Variants in MYO5A observed in about 807,000 individuals in gnomAD.
The protein encoded by MYO5A is unconventional myosin-Va.
A neutral mutation model predicts 249.7 loss-of-function variants in MYO5A; 98 were observed. The ratio of observed to expected loss-of-function variants is 0.39; its 90% CI spans 0.33 to 0.46. The LOEUF is 0.46. MYO5A is among the 20% of genes least tolerant of loss of function. The pLI, the probability that MYO5A is intolerant of heterozygous loss-of-function variation, is 0.98. For synonymous variants in MYO5A, 778 were observed against 810.6 expected, an observed-to-expected ratio of 0.96 and a Z score of 0.68; for missense variants, 1,696 against 2,308.8, an observed-to-expected ratio of 0.73 and a Z score of 5.44.
chr15:52,463,101 G>A (rs2076285576), intron 1 of MYO5A, among the ~76,000 whole-genome samples: 1 of 152,128 alleles, frequency 6.6e-6, no homozygotes, highest in Admixed American at 6.6e-5. Flanking sequence ...AAAATCTCAT[G>A]AACTAAAGGA....
chr15:52,505,840 G>A (rs982496842), intron 1 of MYO5A: 3 of 1,587,750 alleles, frequency 1.9e-6, no homozygotes, highest in African/African-American at 2.7e-5. Flanking sequence ...GCCCATGGAT[G>A]TGGCTGCTTT....
chr15:52,460,813 A>T (rs2076234220), intron 1 of MYO5A, among the ~76,000 whole-genome samples: 1 of 152,186 alleles, frequency 6.6e-6, no homozygotes, highest in African/African-American at 2.4e-5. Flanking sequence ...ACCAACAATA[A>T]AAAAAATCGA....
At position 52,384,341 on chromosome 15, in the gene MYO5A, AAAG is replaced by A; in HGVS notation, c.1753-22_1753-20del. 6.2e-7 allele frequency: 1 copy of A among 1,613,180 alleles called. No individual in the cohort carries two copies. Among genetic ancestry groups the A allele is most frequent in the Non-Finnish European group, 8.5e-7 (1 of 1,179,136 alleles). On this transcript the variant is annotated intron_variant, in intron 14 of 41. Transcript: ENST00000399233. ...TCTTAAACTAAGTCAGAAACAATAT[AAAG>A]AAATTACATTCTAAACCAAACTTGA...
At chr15:52,384,453 T>C (rs2041891171) in intron 14 of MYO5A, 131 bp from the exon 15 acceptor site, 1 of 939,290 alleles carries the variant, frequency 1.1e-6, no homozygotes, top group East Asian at 2.6e-5. Flanking sequence ...AAAGAGTCAG[T>C]ATCTGTGCTA....
rs1302354241 is a variant in MYO5A, at chr15:52,340,389, A to T, written c.4046T>A (p.Leu1349Gln). 1 of 1,612,242 alleles carries T rather than the reference A, an allele frequency of 6.2e-7. No individual in the cohort carries two copies. Among genetic ancestry groups the T allele is most frequent in the African/African-American group, 1.3e-5 (1 of 75,036 alleles). ...YEGLKQANRL[L>Q]ESQLQSQKRS... is the part of the protein sequence containing the mutation. ...CTTCTGTGACTGCAGCTGGGATTCC[A>T]GGAGCCTGCGGAGAGGACACATGGG... Residue 1349 changes from leucine to glutamine, a missense_variant, in exon 32 of 42, where the codon CTG becomes CAG. Physicochemically the swap from Leu to Gln is moderately radical, Grantham distance 113 (BLOSUM62 -2). This residue lies in a region of MYO5A where 625 missense variants were observed against 908.1 expected (regional missense o/e 0.69). Transcript: ENST00000399233.
chr15:52,405,243 A>C, intron 9 of MYO5A, 44 bp downstream of exon 9: 2 of 1,377,522 alleles, frequency 1.5e-6, no homozygotes, highest in Non-Finnish European at 2.1e-6. Context: ...CAAATCTAAA[A>C]CATAATTCAA....
chr15:52,507,705 G>A (rs985544768), intron 1 of MYO5A, among the ~76,000 whole-genome samples: 3 of 150,338 alleles, frequency 2.0e-5, no homozygotes, highest in South Asian at 2.1e-4. Flanking sequence ...AGTCCCAGCC[G>A]AAGTGGGAGG....
At chr15:52,323,233 C>T in intron 37 of MYO5A, 122 bp downstream of exon 37, 1 of 789,648 alleles carries the variant, frequency 1.3e-6, no homozygotes, top group Non-Finnish European at 2.1e-6. Flanking sequence ...GCAAGAACTT[C>T]CAAGCCACCT....
intron 1 of MYO5A, among the ~76,000 whole-genome samples, chr15:52,471,136 T>C (rs2076458336): frequency 6.6e-6 from 1 of 152,176 alleles, no homozygotes; most frequent in African/African-American, 2.4e-5. Flanking sequence ...GCTCATGGAT[T>C]AGCAGCTTTA....
chr15:52,420,358 G>A (rs1016639282), intron 4 of MYO5A, among the ~76,000 whole-genome samples: 3 of 151,106 alleles, frequency 2.0e-5, no homozygotes, highest in Non-Finnish European at 2.9e-5. Context: ...CCTCATGGAT[G>A]GATTTATGCA....
chr15:52,407,944 T>C, intron 7 of MYO5A, 115 bp downstream of exon 7: 1 of 743,192 alleles, frequency 1.3e-6, no homozygotes, highest in Non-Finnish European at 2.3e-6. Flanking sequence ...CTTTTTATCA[T>C]ATTATCCATA....
chr15:52,470,048 C>A (rs919987563), intron 1 of MYO5A, among the ~76,000 whole-genome samples: 6 of 152,202 alleles, frequency 3.9e-5, no homozygotes, highest in Non-Finnish European at 8.8e-5. Context: ...TTCTACAGCA[C>A]CAATTTATTG....
At chr15:52,505,308 A>G (rs1379856562) in intron 1 of MYO5A, 1 of 776,944 alleles carries the variant, frequency 1.3e-6, no homozygotes, top group Non-Finnish European at 2.4e-6. Context: ...TATTTGAAGC[A>G]GTGCCCCGCC....
At chr15:52,420,493 G>C (rs2043736071) in intron 4 of MYO5A, among the ~76,000 whole-genome samples, 1 of 151,838 alleles carries the variant, frequency 6.6e-6, no homozygotes, top group Non-Finnish European at 1.5e-5. Context: ...AGATGACGTA[G>C]CAAGAAGACC....
intron 33 of MYO5A, among the ~76,000 whole-genome samples, chr15:52,336,763 TC>T (rs1387021143): frequency 1.3e-5 from 2 of 152,188 alleles, no homozygotes; most frequent in Non-Finnish European, 2.9e-5. Context: ...CGCAGTAAAC[TC>T]CTTTACAGCG....
intron 1 of MYO5A, among the ~76,000 whole-genome samples, chr15:52,493,623 T>C (rs539684660): frequency 2.0e-5 from 3 of 152,100 alleles, no homozygotes; most frequent in South Asian, 4.2e-4. Flanking sequence ...GATCATGCCA[T>C]TGCACTCCAG....
At chr15:52,436,590 T>A (rs888456880) in intron 1 of MYO5A, among the ~76,000 whole-genome samples, 2 of 152,250 alleles carry the variant, frequency 1.3e-5, no homozygotes, top group Admixed American at 1.3e-4. Context: ...CACCTGCTGT[T>A]ATGTTCTTGT....
chr15:52,472,311 C>A (rs1409779448), intron 1 of MYO5A, among the ~76,000 whole-genome samples: 2 of 152,128 alleles, frequency 1.3e-5, no homozygotes, highest in African/African-American at 2.4e-5. Flanking sequence ...GATCGCCTGA[C>A]CTCGTGATCG....
intron 14 of MYO5A, among the ~76,000 whole-genome samples, chr15:52,385,249 T>C (rs915503615): frequency 1.3e-5 from 2 of 152,190 alleles, no homozygotes; most frequent in Admixed American, 1.3e-4. Flanking sequence ...TAATTATATA[T>C]CTATTAACCT....
Sources: gnomAD v4.1 joint callset for allele counts (sites outside exome capture counted in the v4.1 genomes callset) on GRCh38, gnomAD v4.1.1 for gene constraint, gnomAD v4.1.1 regional missense constraint, MANE v1.5 for transcripts, NCBI Gene and HGNC (gene_info 2026-07-23, HGNC 2026-07-21) for gene names.